Variants in SH3GL1 observed in about 807,000 individuals in gnomAD.
SH3GL1 encodes SH3 domain containing GRB2 like 1, endophilin A2.
Under a neutral mutation model 48.8 loss-of-function variants are expected in SH3GL1, and 21 were observed. The observed-to-expected ratio is 0.43, with a 90% CI of 0.30 to 0.62. The LOEUF (loss-of-function observed/expected upper bound fraction) is 0.62. Among genes scored for constraint, SH3GL1 ranks in the 20% least tolerant of loss-of-function variants. The pLI is 0.11. For synonymous variants in SH3GL1, 282 were observed against 217.5 expected, an observed-to-expected ratio of 1.30 and a Z score of -2.61; for missense variants, 454 against 503.0, an observed-to-expected ratio of 0.90 and a Z score of 0.93.
At chr19:4,383,644 T>C (rs1022301174) in intron 1 of SH3GL1, among the ~76,000 whole-genome samples, 10 of 152,192 alleles carry the variant, frequency 6.6e-5, no homozygotes, top group African/African-American at 2.4e-4. Context: ...GGTTTCTCTG[T>C]GAGGCTCATC....
At chr19:4,377,258 G>A (rs1287447304) in intron 1 of SH3GL1, among the ~76,000 whole-genome samples, 2 of 152,252 alleles carry the variant, frequency 1.3e-5, no homozygotes, top group Non-Finnish European at 2.9e-5. Context: ...TGGGCGGATA[G>A]GACACGGGAG....
At chr19:4,387,655 C>T (rs1373275810) in intron 1 of SH3GL1, among the ~76,000 whole-genome samples, 16 of 152,052 alleles carry the variant, frequency 1.1e-4, no homozygotes, top group Non-Finnish European at 2.2e-4. Context: ...CAAAATTTCA[C>T]TCTATTGTTT....
intron 1 of SH3GL1, among the ~76,000 whole-genome samples, chr19:4,387,455 G>C (rs1417849628): frequency 6.6e-6 from 1 of 152,104 alleles, no homozygotes; most frequent in Non-Finnish European, 1.5e-5. Flanking sequence ...GCACCGCTAT[G>C]ACTGGCTAAT....
Position 4,388,126 on chromosome 19 carries a change from T to C in SH3GL1, c.45+12198A>G, listed in dbSNP as rs191297384. Among the ~76,000 whole-genome samples the C allele has an allele frequency of 4.5e-4, 68 of 152,324 alleles. 1 individual carries two copies. In the East Asian group the frequency reaches 9.6e-3, roughly 22 times the overall value. On this transcript the variant is annotated intron_variant, in intron 1 of 9. Coordinates refer to ENST00000269886, the MANE Select transcript of SH3GL1 (RefSeq NM_003025.4). Reference sequence around the variant, plus strand: ...CACCTGCCTCGGCCTCCCAAAGTGCTGGGATTACAGGTGTGAGCCATCGTG... The same window carrying C: ...CACCTGCCTCGGCCTCCCAAAGTGCCGGGATTACAGGTGTGAGCCATCGTG...
At position 4,389,653 on chromosome 19, in the gene SH3GL1, G is replaced by C. The variant is rs73918207; in HGVS notation, c.45+10671C>G. On this transcript the variant is annotated intron_variant, in intron 1 of 9. Transcript: ENST00000269886. This position sits in a 1 kb window ranked among gnomAD's most constrained non-coding sequence, Gnocchi z 4.5. The stretch of plus-strand genomic sequence containing the variant: ...CTCTAGGGCGTGCTCACACAAACTC[G>C]ACACGAGGCCATCCGCTGTAGGGTG... Among the ~76,000 whole-genome samples, 2 of 152,158 alleles carry C rather than the reference G, an allele frequency of 1.3e-5. No homozygotes were observed. Among genetic ancestry groups the C allele is most frequent in the African/African-American group, 4.8e-5 (2 of 41,434 alleles).
chr19:4,369,471 G>A (rs1972852687), intron 1 of SH3GL1, among the ~76,000 whole-genome samples: 1 of 152,240 alleles, frequency 6.6e-6, no homozygotes, highest in South Asian at 2.1e-4. Context: ...CCAGTGTGCA[G>A]GCTGGCAGGA....
At chr19:4,381,364 CCTGT>C (rs1973124648) in intron 1 of SH3GL1, among the ~76,000 whole-genome samples, 2 of 125,222 alleles carry the variant, frequency 1.6e-5, no homozygotes, top group Non-Finnish European at 3.4e-5. Context: ...GTCCCCTCTG[CCTGT>C]CTCCCATCTG....
intron 1 of SH3GL1, among the ~76,000 whole-genome samples, chr19:4,396,213 A>T (rs1226904810): frequency 6.6e-6 from 1 of 152,050 alleles, no homozygotes; most frequent in African/African-American, 2.4e-5. Context: ...CCTGGCCAAC[A>T]TGGTGAAACC....
At chr19:4,363,686 G>A (rs758664514) in intron 6 of SH3GL1, 34 bp downstream of exon 6, 4 of 1,611,548 alleles carry the variant, frequency 2.5e-6, no homozygotes, top group Non-Finnish European at 3.4e-6. Context: ...AAGGGCATAG[G>A]TCTTCTCAGG....
intron 2 of SH3GL1, 151 bp from the exon 3 acceptor site, chr19:4,366,724 G>T (rs1358918028): frequency 3.2e-6 from 3 of 946,892 alleles, no homozygotes; most frequent in Non-Finnish European, 5.1e-6. Flanking sequence ...TGTCCCCACA[G>T]CTGCCTGCCC....
chr19:4,361,571 C>CGGAGG lies in SH3GL1; in HGVS notation c.*24_*28dup, dbSNP rs747269278. ...AGCAGGGGGTGCCGGCCAGTGTGGA[C>CGGAGG]GGAGGGGCGGGGCGGGGACACGGGT... On this transcript the variant is annotated 3_prime_UTR_variant, in exon 10 of 10. Coordinates refer to ENST00000269886, the MANE Select transcript of SH3GL1 (RefSeq NM_003025.4). 13 of 1,539,816 alleles carry CGGAGG rather than the reference C, an allele frequency of 8.4e-6. No homozygotes were observed. In the East Asian group the frequency reaches 2.9e-4, roughly 35 times the overall value.
intron 1 of SH3GL1, among the ~76,000 whole-genome samples, chr19:4,386,774 G>C (rs896851609): frequency 2.6e-5 from 4 of 151,976 alleles, no homozygotes; most frequent in Admixed American, 2.6e-4. Flanking sequence ...AGGATCCCCC[G>C]ATCCTAAGAG....
intron 4 of SH3GL1, 36 bp downstream of exon 4, chr19:4,365,446 G>A: frequency 6.2e-7 from 1 of 1,612,046 alleles, no homozygotes; most frequent in Non-Finnish European, 8.5e-7. Flanking sequence ...TGGCCTCCAG[G>A]GACGGTGGGC....
chr19:4,372,579 CA>C (rs959332018), intron 1 of SH3GL1, among the ~76,000 whole-genome samples: 65 of 152,266 alleles, frequency 4.3e-4, no homozygotes, highest in African/African-American at 1.5e-3. Context: ...AGGGCAGGGG[CA>C]AAGGATGTAG....
chr19:4,375,824 G>A (rs1273255533), intron 1 of SH3GL1, among the ~76,000 whole-genome samples: 2 of 152,208 alleles, frequency 1.3e-5, no homozygotes, highest in African/African-American at 2.4e-5. Context: ...CTGAGGCTCC[G>A]CCTGGCAGGG....
rs528224791 is a variant in SH3GL1, at chr19:4,400,288, G to C, written c.45+36C>G. On this transcript the variant is annotated intron_variant, in intron 1 of 9. Coordinates refer to ENST00000269886, the MANE Select transcript of SH3GL1 (RefSeq NM_003025.4). The surrounding 1 kb of genome is among the most constrained non-coding windows in gnomAD (Gnocchi z 4.1). ...GGCTCCCTCATCCGGGCAGCCCGGG[G>C]CCCGGTACTCGGCTCCCGCCTGGGC... 1 of 1,586,130 alleles carries C rather than the reference G, an allele frequency of 6.3e-7. No homozygotes were observed. The highest frequency in any genetic ancestry group is 8.5e-7 in the Non-Finnish European group (1 of 1,169,912).
intron 1 of SH3GL1, among the ~76,000 whole-genome samples, chr19:4,384,080 C>T (rs150608063): frequency 6.6e-6 from 1 of 152,338 alleles, no homozygotes; most frequent in Non-Finnish European, 1.5e-5. Context: ...CTGCCCTCTG[C>T]GACAAGGCTG....
intron 1 of SH3GL1, among the ~76,000 whole-genome samples, chr19:4,372,856 T>C (rs1352105847): frequency 6.6e-6 from 1 of 152,210 alleles, no homozygotes; most frequent in Admixed American, 6.5e-5. Flanking sequence ...CTGTCCTTCC[T>C]GGAAACCTTC....
In SH3GL1 at chr19:4,362,722, G is replaced by A. The variant is rs1315643275; in HGVS notation, c.743C>T (p.Ser248Phe). Residue 248 changes from serine to phenylalanine, a missense_variant, in exon 8 of 10, where the codon TCC becomes TTC. Coordinates refer to ENST00000269886, the MANE Select transcript of SH3GL1 (RefSeq NM_003025.4). ...EKLKRRMREASSRPKREYKPK... is the reference protein window; with the variant it reads ...EKLKRRMREAFSRPKREYKPK... ...CTTATACTCCCGCTTAGGGCGTGAG[G>A]AAGCTTCCCGCATCCTGTGAAGGGA... is the stretch of plus-strand genomic sequence containing the variant. 6 of 1,613,878 alleles carry A rather than the reference G, an allele frequency of 3.7e-6. No homozygotes were observed. The highest frequency in any genetic ancestry group is 5.1e-6 in the Non-Finnish European group (6 of 1,180,032).
Sources: allele counts gnomAD v4.1 joint callset (sites outside exome capture counted in the v4.1 genomes callset), GRCh38; gene constraint gnomAD v4.1.1; non-coding constraint Gnocchi (gnomAD v3.1); transcripts MANE v1.5; gene names NCBI Gene and HGNC (gene_info 2026-07-23, HGNC 2026-07-21).